The following NOS2 variants were observed in gnomAD, a reference collection of about 807,000 sequenced individuals.
NOS2 encodes the protein nitric oxide synthase, inducible.
A neutral mutation model predicts 136.0 loss-of-function variants in NOS2; 96 were observed. The ratio of observed to expected loss-of-function variants is 0.71; its 90% confidence interval spans 0.60 to 0.84. The LOEUF (loss-of-function observed/expected upper bound fraction) is 0.84. NOS2 is among the 40% of genes least tolerant of loss of function. The pLI, the probability that NOS2 is intolerant of heterozygous loss-of-function variation, is 0.00. For synonymous variants in NOS2, 539 were observed against 587.5 expected (o/e 0.92, Z 1.20); for missense variants, 1,237 against 1,496.9 (o/e 0.83, Z 2.87).
In NOS2 at chr17:27,767,800, T is replaced by C. The variant is rs1381256378; in HGVS notation, c.2072A>G (p.His691Arg). 6.2e-7 allele frequency: 1 copy of C among 1,611,892 alleles called. No individual in the cohort carries two copies. Among genetic ancestry groups the C allele is most frequent in the South Asian group, 1.1e-5 (1 of 90,970 alleles). Residue 691 changes from histidine to arginine, a missense_variant, in exon 18 of 27, where the codon CAC (histidine) becomes CGC (arginine). This residue lies in a region of NOS2 where 782 missense variants were observed against 909.9 expected (regional missense o/e 0.86). Transcript: ENST00000313735. ...CETFDVRGKQ[H>R]IQIPKLYTSN... ...GGTGTAGAGCTTGGGGATCTGAATGTGCTGTTTGCCTCGGACATCAAACGT... is the reference window on the plus strand; with the variant it reads ...GGTGTAGAGCTTGGGGATCTGAATGCGCTGTTTGCCTCGGACATCAAACGT...
At chr17:27,788,710 T>G (rs1392140436) in intron 4 of NOS2, 99 bp downstream of exon 4, 2 of 1,438,436 alleles carry the variant, frequency 1.4e-6, no homozygotes, top group African/African-American at 1.4e-5. Context: ...AGCAGATGAT[T>G]GTTTGGTTTG....
chr17:27,763,942 C>T (rs1161782394), intron 21 of NOS2, 39 bp downstream of exon 21: 2 of 1,564,202 alleles, frequency 1.3e-6, no homozygotes, highest in Non-Finnish European at 1.7e-6. Flanking sequence ...TGCTGGGACC[C>T]CCCACATACC....
Position 27,778,608 on chromosome 17 carries a change from A to G in NOS2, c.1281+82T>C. 2.7e-6 allele frequency: 3 copies of G among 1,131,804 alleles called. No individual in the cohort carries two copies. The South Asian group carries it at 3.8e-5, about 14-fold the overall frequency. The allele number at this position is 1,131,804 out of a possible 1,614,324, so 70.1% of individuals were successfully genotyped here. On this transcript the variant is annotated intron_variant, in intron 11 of 26. Transcript: ENST00000313735. ...CTAGAGTGAGCAAGGGGGCTTACTT[A>G]TAAATTAAGCATCACATAAGTCACT...
rs1295399500 is a variant in NOS2 at position 27,778,064 on chromosome 17, A to C, written c.1281+626T>G. ...AAAAAAAAAGGAAAAGAAAGAAGAA[A>C]GTCGATGTCCTATATAATGCCAGGA... On this transcript the variant is annotated intron_variant, in intron 11 of 26. Transcript: ENST00000313735. Among the ~76,000 whole-genome samples the C allele has an allele frequency of 3.2e-4, 49 of 152,086 alleles. 1 individual carries two copies. Among genetic ancestry groups the C allele is most frequent in the Non-Finnish European group, 4.4e-5 (3 of 67,984 alleles).
chr17:27,769,571 G>A lies in NOS2; in HGVS notation c.1823C>T (p.Ser608Leu), dbSNP rs2297518. The change falls in exon 16 of 27, where the codon TCG becomes TTG. Residue 608 changes from serine (S) to leucine (L), a missense_variant. Around this residue, in one of 3 missense-constraint regions of NOS2, gnomAD observed 782 missense variants for 909.9 expected, o/e 0.86. Coordinates refer to ENST00000313735, the MANE Select transcript of NOS2 (RefSeq NM_000625.4). ...GTTGAGCTCTTTCAGCATGAAGAGC[G>A]ATTTCTTCAGTTTCTAGAAAGAGAG... ...CPGNGEKLKK[S>L]LFMLKELNNK... The A allele has an allele frequency of 0.18, 295,315 of 1,608,552 alleles. 28,406 individuals carry two copies. The highest frequency in any genetic ancestry group is 0.23 in the Middle Eastern group (1,387 of 6,042).
At chr17:27,771,161 G>A (rs558271694) in intron 14 of NOS2, 144 bp from the exon 15 acceptor site, 188 of 637,054 alleles carry the variant, frequency 3.0e-4, no homozygotes, top group African/African-American at 2.4e-3. Flanking sequence ...CGGCACAGGC[G>A]TGGCACAGAG....
intron 14 of NOS2, among the ~76,000 whole-genome samples, chr17:27,771,279 C>G (rs1412448605): frequency 6.6e-6 from 1 of 152,218 alleles, no homozygotes; most frequent in Non-Finnish European, 1.5e-5. Context: ...AAAAATACTG[C>G]CTTTCCCATG....
chr17:27,781,973 G>T, intron 7 of NOS2, 42 bp downstream of exon 7: 2 of 1,563,758 alleles, frequency 1.3e-6, no homozygotes, highest in Non-Finnish European at 1.8e-6. Context: ...AGATTCTCAG[G>T]CAAGGCAAGC....
Position 27,792,610 on chromosome 17 carries a change from C to T in NOS2, c.111-2922G>A, listed in dbSNP as rs564872585. On this transcript the variant is annotated intron_variant, in intron 2 of 26. Coordinates refer to ENST00000313735, the MANE Select transcript of NOS2 (RefSeq NM_000625.4). ...ATTATCACATTGTTGATTCTGACCC[C>T]GCAGACGCTCGTGCAATTTGACTAA... 6.0e-4 allele frequency among the ~76,000 whole-genome samples: 91 copies of T among 152,074 alleles called. No homozygotes were observed. The South Asian group carries it at 0.018, about 30-fold the overall frequency.
rs1432751562 is a variant in NOS2 at position 27,772,203 on chromosome 17, A to G, written c.1704+105T>C. ...CCAGATTAATGATGCACATTACCAC[A>G]TCCAAGACTCTGAGACATCCAGGAG... is the stretch of plus-strand genomic sequence containing the variant. On this transcript the variant is annotated intron_variant, in intron 14 of 26. Coordinates refer to ENST00000313735, the MANE Select transcript of NOS2 (RefSeq NM_000625.4). 2.3e-6 allele frequency: 3 copies of G among 1,285,818 alleles called. No homozygotes were observed. The African/African-American group carries it at 4.4e-5, about 19-fold the overall frequency. The allele number at this position is 1,285,818 out of a possible 1,614,324, so 79.7% of individuals were successfully genotyped here.
chr17:27,794,714 GCA>G (rs56767383), intron 2 of NOS2, among the ~76,000 whole-genome samples: 16,461 of 145,232 alleles, frequency 0.11, 1,040 homozygotes, highest in South Asian at 0.16. Context: ...ACACACACGC[GCA>G]CACACACACA....
intron 12 of NOS2, 101 bp downstream of exon 12, chr17:27,774,156 C>T (rs1343203357): frequency 1.2e-6 from 1 of 839,788 alleles, no homozygotes; most frequent in East Asian, 3.3e-5. Context: ...ACTCCTGCTT[C>T]CCGTCGTGCC....
At chr17:27,778,458 CAG>C (rs1013856129) in intron 11 of NOS2, among the ~76,000 whole-genome samples, 3 of 152,080 alleles carry the variant, frequency 2.0e-5, no homozygotes, top group African/African-American at 7.2e-5. Flanking sequence ...ATTGATGATA[CAG>C]AGAGAGAAGA....
chr17:27,769,716 T>A, intron 15 of NOS2, 132 bp from the exon 16 acceptor site: 1 of 735,808 alleles, frequency 1.4e-6, no homozygotes, highest in Non-Finnish European at 2.4e-6. Flanking sequence ...GGTTTACATA[T>A]GGGGCTACCT....
chr17:27,788,757 C>A, intron 4 of NOS2, 52 bp downstream of exon 4: 1 of 1,579,784 alleles, frequency 6.3e-7, no homozygotes, highest in Non-Finnish European at 8.6e-7. Context: ...AAAGCCCTGG[C>A]AGCTTCACCA....
intron 11 of NOS2, among the ~76,000 whole-genome samples, chr17:27,775,186 G>A (rs563237806): frequency 5.3e-5 from 8 of 152,352 alleles, no homozygotes; most frequent in South Asian, 2.1e-4. Flanking sequence ...ATGGCCAGGT[G>A]CAGTGGCTCA....
chr17:27,770,766 G>C (rs1908465020), intron 15 of NOS2, 147 bp downstream of exon 15: 5 of 572,792 alleles, frequency 8.7e-6, no homozygotes, highest in Non-Finnish European at 1.3e-5. Flanking sequence ...TTACAATGGA[G>C]GCCGGCAAAT....
chr17:27,765,944 GC>G (rs1008233457), intron 19 of NOS2, among the ~76,000 whole-genome samples: 1 of 152,180 alleles, frequency 6.6e-6, no homozygotes, highest in Non-Finnish European at 1.5e-5. Flanking sequence ...CCCCTTCCCA[GC>G]AGCCCTTGGA....
chr17:27,796,336 G>C (rs1361670300), intron 2 of NOS2, among the ~76,000 whole-genome samples: 1 of 152,150 alleles, frequency 6.6e-6, no homozygotes, highest in Non-Finnish European at 1.5e-5. Flanking sequence ...TGTAGTCCCA[G>C]CTACTCAGGA....
Sources: gnomAD v4.1 joint callset for allele counts (sites outside exome capture counted in the v4.1 genomes callset) on GRCh38, gnomAD v4.1.1 for gene constraint, gnomAD v4.1.1 regional missense constraint, MANE v1.5 for transcripts, NCBI Gene and HGNC (gene_info 2026-07-23, HGNC 2026-07-21) for gene names.